The following ZNF277 variants were observed in gnomAD, a reference collection of about 807,000 sequenced individuals.
ZNF277 encodes the protein nuclear receptor-interacting factor 4.
In ZNF277, 55 loss-of-function variants were observed where a neutral mutation model predicts 60.7. The ratio of observed to expected loss-of-function variants is 0.91; its 90% CI spans 0.73 to 1.13. ZNF277 has a LOEUF of 1.13. Ranked by LOEUF, ZNF277 falls within the 50% of genes most tolerant of loss-of-function variation. The pLI is 0.00. For synonymous variants in ZNF277, 178 were observed against 179.3 expected, an observed-to-expected ratio of 0.99 and a Z score of 0.06; for missense variants, 510 against 523.0, an observed-to-expected ratio of 0.98 and a Z score of 0.24.
intron 4 of ZNF277, among the ~76,000 whole-genome samples, chr7:112,310,489 G>GAGAGAGAGAGAGAA (rs1305151299): frequency 1.4e-5 from 2 of 142,882 alleles, no homozygotes; most frequent in African/African-American, 3.0e-5. Flanking sequence ...GTGTGTGTGT[G>GAGAGAGAGAGAGAA]TGTATGTATT....
intron 6 of ZNF277, chr7:112,328,532 C>T (rs1793151375): frequency 6.6e-6 from 1 of 151,936 alleles, no homozygotes; most frequent in African/African-American, 2.4e-5. Context: ...AAAATACTAA[C>T]AAGTGTGGTG....
intron 5 of ZNF277, among the ~76,000 whole-genome samples, chr7:112,321,781 C>A (rs1792988412): frequency 6.6e-6 from 1 of 151,810 alleles, no homozygotes; most frequent in African/African-American, 2.4e-5. Flanking sequence ...GAGTCTTTTT[C>A]CTTCAGCACT....
intron 10 of ZNF277, among the ~76,000 whole-genome samples, chr7:112,340,511 A>G (rs953900964): frequency 6.6e-6 from 1 of 152,206 alleles, no homozygotes; most frequent in Admixed American, 6.5e-5. Context: ...GCTTTTATAG[A>G]CATATATATA....
intron 1 of ZNF277, among the ~76,000 whole-genome samples, chr7:112,249,450 G>C (rs752095888): frequency 1.5e-4 from 23 of 152,142 alleles, no homozygotes; most frequent in Non-Finnish European, 2.6e-4. Flanking sequence ...AGAGAGGTCT[G>C]CTTAGTAGAT....
At chr7:112,243,769 G>C (rs12666261) in intron 1 of ZNF277, among the ~76,000 whole-genome samples, 1 of 151,820 alleles carries the variant, frequency 6.6e-6, no homozygotes, top group African/African-American at 2.4e-5. Flanking sequence ...ATTAAAAATA[G>C]AACTCTCATT....
At chr7:112,257,693 A>G (rs1488137744) in intron 1 of ZNF277, among the ~76,000 whole-genome samples, 1 of 152,224 alleles carries the variant, frequency 6.6e-6, no homozygotes, top group Non-Finnish European at 1.5e-5. Flanking sequence ...CATGGCAAAC[A>G]ATAACATACC....
intron 1 of ZNF277, among the ~76,000 whole-genome samples, chr7:112,210,474 T>G (rs1233370002): frequency 2.7e-5 from 4 of 150,356 alleles, no homozygotes; most frequent in African/African-American, 4.9e-5. Flanking sequence ...TGTTTTTTTT[T>G]TTTGTTTTTT....
intron 4 of ZNF277, among the ~76,000 whole-genome samples, chr7:112,309,522 G>C (rs77366833): frequency 6.6e-6 from 1 of 151,850 alleles, no homozygotes; most frequent in African/African-American, 2.4e-5. Flanking sequence ...TTGAGGGTGT[G>C]CTTTGGGATG....
At chr7:112,213,558 G>T (rs1219232906) in intron 1 of ZNF277, among the ~76,000 whole-genome samples, 3 of 152,070 alleles carry the variant, frequency 2.0e-5, no homozygotes. Context: ...GCTTTTATAG[G>T]TATTATCTCA....
intron 1 of ZNF277, among the ~76,000 whole-genome samples, chr7:112,254,494 A>C (rs1261835508): frequency 6.6e-6 from 1 of 152,216 alleles, no homozygotes; most frequent in Non-Finnish European, 1.5e-5. Context: ...GGTTGTGTTG[A>C]CATGATTGGA....
intron 4 of ZNF277, among the ~76,000 whole-genome samples, chr7:112,297,204 G>A (rs1792376423): frequency 1.3e-5 from 2 of 151,686 alleles, no homozygotes; most frequent in Admixed American, 1.3e-4. Flanking sequence ...TGAGATTACA[G>A]GCGGGAGCCA....
intron 1 of ZNF277, among the ~76,000 whole-genome samples, chr7:112,281,142 A>G (rs1288894680): frequency 6.6e-6 from 1 of 152,158 alleles, no homozygotes; most frequent in African/African-American, 2.4e-5. Flanking sequence ...AAATACCCAC[A>G]CTGTTATATG....
intron 4 of ZNF277, among the ~76,000 whole-genome samples, chr7:112,313,610 A>G (rs966388732): frequency 3.3e-5 from 5 of 152,136 alleles, no homozygotes; most frequent in Admixed American, 2.0e-4. Flanking sequence ...TTTTGTAAAA[A>G]TTGTCTGTTG....
chr7:112,343,292 TACC>T lies in ZNF277; in HGVS notation c.*566_*568del, dbSNP rs1793480288. Reference sequence around the variant, plus strand: ...AACAATCAAGAGCTGACTGTGTTATTACCACTTTCTGCCTAGGGTGGCCAAATT... The same window carrying T: ...AACAATCAAGAGCTGACTGTGTTATTACTTTCTGCCTAGGGTGGCCAAATT... On this transcript the variant is annotated 3_prime_UTR_variant, in exon 12 of 12. Coordinates refer to ENST00000361822, the MANE Select transcript of ZNF277 (RefSeq NM_021994.3). Among the ~76,000 whole-genome samples, 1 of 152,236 alleles carries T rather than the reference TACC, an allele frequency of 6.6e-6. No individual in the cohort carries two copies. The highest frequency in any genetic ancestry group is 2.4e-5 in the African/African-American group (1 of 41,456).
chr7:112,285,417 GAAA>G (rs897732816), intron 1 of ZNF277, among the ~76,000 whole-genome samples: 2 of 125,774 alleles, frequency 1.6e-5, no homozygotes, highest in African/African-American at 3.0e-5. Context: ...GATAAAGTAA[GAAA>G]AAAAAAATAG....
At position 112,287,052 on chromosome 7, in the gene ZNF277, A is replaced by G; in HGVS notation, c.271A>G (p.Lys91Glu). 1 of 1,614,002 alleles carries G rather than the reference A, an allele frequency of 6.2e-7. No individual in the cohort carries two copies. The highest frequency in any genetic ancestry group is 8.5e-7 in the Non-Finnish European group (1 of 1,179,948). ...IEHKIVIADV[K>E]LVADFQRYIL... ...GCATAAGATTGTCATAGCTGATGTC[A>G]AGTTGGTTGCTGATTTCCAAAGGTA... The change falls in exon 2 of 12, where the codon AAG (lysine) becomes GAG (glutamate). Residue 91 changes from lysine (K) to glutamate (E), a missense_variant. Coordinates refer to ENST00000361822, the MANE Select transcript of ZNF277 (RefSeq NM_021994.3).
At chr7:112,328,595 G>A (rs1793153169) in intron 6 of ZNF277, among the ~76,000 whole-genome samples, 1 of 152,166 alleles carries the variant, frequency 6.6e-6, no homozygotes, top group Non-Finnish European at 1.5e-5. Flanking sequence ...TAAGGGCCGG[G>A]TGTGGTAGCT....
intron 4 of ZNF277, among the ~76,000 whole-genome samples, chr7:112,317,598 T>G (rs1792870573): frequency 6.6e-6 from 1 of 152,126 alleles, no homozygotes; most frequent in African/African-American, 2.4e-5. Context: ...TTAAATTATT[T>G]GAGTTGAGAT....
chr7:112,239,720 A>T (rs1329313594), intron 1 of ZNF277, among the ~76,000 whole-genome samples: 1 of 152,214 alleles, frequency 6.6e-6, no homozygotes, highest in African/African-American at 2.4e-5. Flanking sequence ...AACTATAAGA[A>T]ATCATCTGAA....
Sources: gnomAD v4.1 joint callset for allele counts (sites outside exome capture counted in the v4.1 genomes callset) on GRCh38, gnomAD v4.1.1 for gene constraint, MANE v1.5 for transcripts, NCBI Gene and HGNC (gene_info 2026-07-23, HGNC 2026-07-21) for gene names.